Variants in WNT3 observed in about 807,000 individuals in gnomAD.
The protein encoded by WNT3 is Wnt family member 3, also known as proto-oncogene Wnt-3.
A neutral mutation model predicts 34.2 loss-of-function variants in WNT3; 7 were observed. The observed-to-expected ratio is 0.20, with a 90% confidence interval of 0.12 to 0.38. The LOEUF is 0.38. Ranked by LOEUF, WNT3 falls within the 10% of genes least tolerant of loss-of-function variation. The pLI, the probability that WNT3 is intolerant of heterozygous loss-of-function variation, is 1.00. For missense variants in WNT3, 267 were observed against 499.8 expected (o/e 0.53, Z 4.44); for synonymous variants, 212 against 211.5 (o/e 1.00, Z -0.02).
In WNT3 at chr17:46,763,919, T is replaced by C. The variant is rs1482711834; in HGVS notation, c.*711A>G. On this transcript the variant is annotated 3_prime_UTR_variant, in exon 5 of 5. Coordinates refer to ENST00000225512, the MANE Select transcript of WNT3 (RefSeq NM_030753.5). Reference sequence around the variant, plus strand: ...GTAGAAAAAGATTTTGAGATCTGACTGCCCCTCGTGCAGAACAGGGTTATA... The same window carrying C: ...GTAGAAAAAGATTTTGAGATCTGACCGCCCCTCGTGCAGAACAGGGTTATA... 1 of 151,466 alleles carries C rather than the reference T, an allele frequency of 6.6e-6. No individual in the cohort carries two copies. The highest frequency in any genetic ancestry group is 1.5e-5 in the Non-Finnish European group (1 of 67,972). The allele number at this position is 151,466 out of a possible 1,614,324, so 9.4% of individuals were successfully genotyped here.
intron 1 of WNT3, among the ~76,000 whole-genome samples, chr17:46,780,239 C>G (rs1218264985): frequency 6.6e-6 from 1 of 152,198 alleles, no homozygotes; most frequent in African/African-American, 2.4e-5. Context: ...ACGGCCAATC[C>G]CCTGCTGATG....
At chr17:46,813,607 C>T (rs1426873990) in intron 1 of WNT3, among the ~76,000 whole-genome samples, 2 of 151,964 alleles carry the variant, frequency 1.3e-5, no homozygotes, top group Non-Finnish European at 2.9e-5. Flanking sequence ...CTGCTCAACT[C>T]CTGGCTCATC....
chr17:46,774,852 C>T (rs907756948), intron 1 of WNT3, among the ~76,000 whole-genome samples: 5 of 152,178 alleles, frequency 3.3e-5, no homozygotes, highest in African/African-American at 1.2e-4. Flanking sequence ...CTGGGAGAAC[C>T]TGAGAAAATG....
chr17:46,778,112 A>G (rs985713401), intron 1 of WNT3, among the ~76,000 whole-genome samples: 2 of 152,184 alleles, frequency 1.3e-5, no homozygotes, highest in Non-Finnish European at 2.9e-5. Flanking sequence ...GGTGGTTGCT[A>G]TGGTTACGGT....
chr17:46,809,812 C>T (rs2084247389), intron 1 of WNT3, among the ~76,000 whole-genome samples: 1 of 152,052 alleles, frequency 6.6e-6, no homozygotes, highest in Non-Finnish European at 1.5e-5. Flanking sequence ...TCTGTGCCCT[C>T]TCCCAGGGGC....
chr17:46,791,687 A>C (rs563315091), intron 1 of WNT3, among the ~76,000 whole-genome samples: 1 of 152,228 alleles, frequency 6.6e-6, no homozygotes, highest in Non-Finnish European at 1.5e-5. Context: ...TTCTACTTAC[A>C]TTCATCACAG....
At chr17:46,779,053 TCACACACACACA>T (rs56965619) in intron 1 of WNT3, among the ~76,000 whole-genome samples, 24,465 of 100,662 alleles carry the variant, frequency 0.24, 3,019 homozygotes, top group East Asian at 0.37. Flanking sequence ...CCCTACCCCA[TCACACACACACA>T]CACACACACA....
At chr17:46,790,730 G>A (rs1474316662) in intron 1 of WNT3, among the ~76,000 whole-genome samples, 1 of 152,194 alleles carries the variant, frequency 6.6e-6, no homozygotes, top group Admixed American at 6.5e-5. Context: ...CACGGCCACA[G>A]AAGCAAAACT....
At chr17:46,782,130 C>A (rs1292059734) in intron 1 of WNT3, among the ~76,000 whole-genome samples, 1 of 152,236 alleles carries the variant, frequency 6.6e-6, no homozygotes, top group Admixed American at 6.5e-5. Context: ...AGGGCCAAGT[C>A]TCCCCAAGTC....
rs2083971580 is a variant in WNT3 at position 46,790,561 on chromosome 17, T to TC, written c.81-16653dup. ...GCTGGGGCTCCTGGGTCCTCTGCCC[T>TC]CCCCCTGGGCCCCACCTCCTATTCC... On this transcript the variant is annotated intron_variant, in intron 1 of 4. Transcript: ENST00000225512. Among the ~76,000 whole-genome samples the TC allele has an allele frequency of 1.3e-5, 2 of 151,780 alleles. 1 individual carries two copies. Among genetic ancestry groups the TC allele is most frequent in the South Asian group, 4.2e-4 (2 of 4,812 alleles).
At chr17:46,802,592 C>A (rs933511193) in intron 1 of WNT3, among the ~76,000 whole-genome samples, 2 of 152,122 alleles carry the variant, frequency 1.3e-5, no homozygotes, top group African/African-American at 4.8e-5. Flanking sequence ...GGACTCCCAA[C>A]CCTAACCCCA....
chr17:46,782,175 A>C (rs1198217898), intron 1 of WNT3, among the ~76,000 whole-genome samples: 1 of 152,148 alleles, frequency 6.6e-6, no homozygotes, highest in Admixed American at 6.5e-5. Flanking sequence ...CTTTGCCCTT[A>C]CCTTTCTCCA....
chr17:46,797,075 G>A (rs944160940), intron 1 of WNT3, among the ~76,000 whole-genome samples: 3 of 152,138 alleles, frequency 2.0e-5, no homozygotes, highest in Non-Finnish European at 2.9e-5. Context: ...AAATAAAAAC[G>A]GGTCACACTG....
chr17:46,765,296 C>T (rs1360026750), intron 4 of WNT3, among the ~76,000 whole-genome samples: 5 of 152,228 alleles, frequency 3.3e-5, no homozygotes, highest in Non-Finnish European at 1.5e-5. Context: ...GACTTGGGCG[C>T]AGCCAGGCCA....
At chr17:46,816,475 G>GCACACACACACACACACA (rs113581876) in intron 1 of WNT3, among the ~76,000 whole-genome samples, 1 of 144,244 alleles carries the variant, frequency 6.9e-6, no homozygotes, top group Non-Finnish European at 1.5e-5. Context: ...CAGAACACAC[G>GCACACACACACACACACA]CACACACACA....
At chr17:46,806,699 C>A (rs925409055) in intron 1 of WNT3, among the ~76,000 whole-genome samples, 1 of 152,248 alleles carries the variant, frequency 6.6e-6, no homozygotes, top group Non-Finnish European at 1.5e-5. Context: ...TTCTCTCCTC[C>A]GAAGTCAGGG....
chr17:46,774,096 C>T (rs1299900164), intron 1 of WNT3, among the ~76,000 whole-genome samples, 187 bp from the exon 2 acceptor site: 1 of 152,210 alleles, frequency 6.6e-6, no homozygotes, highest in Non-Finnish European at 1.5e-5. Flanking sequence ...CTGACCCACG[C>T]AAGTCAGCCC....
intron 1 of WNT3, among the ~76,000 whole-genome samples, chr17:46,795,275 G>T (rs899944101): frequency 6.6e-6 from 1 of 152,082 alleles, no homozygotes; most frequent in Admixed American, 6.6e-5. Context: ...CCCCTCTACC[G>T]GCGCCCCATG....
rs2059333950 is a variant in WNT3 at position 46,768,382 on chromosome 17, A to G, written c.1006T>C (p.Trp336Arg). 6.2e-7 allele frequency: 1 copy of G among 1,613,780 alleles called. No homozygotes were observed. The highest frequency in any genetic ancestry group is 8.5e-7 in the Non-Finnish European group (1 of 1,180,040). The change falls in exon 4 of 5, where the codon TGG becomes CGG. Residue 336 changes from tryptophan to arginine, a missense_variant. By Grantham distance (101) the Trp-to-Arg change is moderately radical (BLOSUM62 -3). Around this residue, in one of 3 missense-constraint regions of WNT3, gnomAD observed 60 missense variants for 82.7 expected, o/e 0.73. Transcript: ENST00000225512. The surrounding 1 kb of genome is among the most constrained non-coding windows in gnomAD (Gnocchi z 5.0). ...TCCTGGCAGCTGACGTAGCAGCACCAGTGGAAGATGCAGTGGCATTTTTCC... is the reference window on the plus strand; with the variant it reads ...TCCTGGCAGCTGACGTAGCAGCACCGGTGGAAGATGCAGTGGCATTTTTCC... Reference protein sequence around the residue: ...RKEKCHCIFHWCCYVSCQECI... With the variant: ...RKEKCHCIFHRCCYVSCQECI...
Sources: allele counts gnomAD v4.1 joint callset (sites outside exome capture counted in the v4.1 genomes callset), GRCh38; gene constraint gnomAD v4.1.1; regional missense constraint gnomAD v4.1.1; non-coding constraint Gnocchi (gnomAD v3.1); transcripts MANE v1.5; gene names NCBI Gene and HGNC (gene_info 2026-07-23, HGNC 2026-07-21).